SUMF1: variants seen among roughly 807,000 people sequenced by gnomAD.
The protein encoded by SUMF1 is sulfatase modifying factor 1.
SUMF1 carries 48 observed loss-of-function variants against 47.6 expected under a neutral mutation model. That is an observed-to-expected ratio of 1.01 (90% CI 0.80 to 1.28). SUMF1 has a LOEUF of 1.28. SUMF1 is among the 50% of genes most tolerant of loss of function. The probability of loss-of-function intolerance (pLI) is 0.00; values close to 1 mark genes in which losing one functional copy is unlikely to be tolerated. For missense variants in SUMF1, 571 were observed against 485.4 expected (o/e 1.18, Z -1.66); for synonymous variants, 230 against 192.1 (o/e 1.20, Z -1.63).
At position 4,257,730 on chromosome 3, in the gene SUMF1, A is replaced by G. The variant is rs1337430935; in HGVS notation, c.1014+118600T>C. On this transcript the variant is annotated intron_variant and NMD_transcript_variant, in intron 8 of 12. Coordinates refer to the SUMF1 transcript ENST00000448413. ...CAATGCCATCCCCATCAAGCTACCA[A>G]TGACTTTCTTCACAGAATTGGAAAA... Among the ~76,000 whole-genome samples, 4 of 151,842 alleles carry G rather than the reference A, an allele frequency of 2.6e-5. 1 individual carries two copies. Among genetic ancestry groups the G allele is most frequent in the Non-Finnish European group, 5.9e-5 (4 of 67,950 alleles).
At position 4,417,191 on chromosome 3, in the gene SUMF1, G is replaced by A. The variant is rs765605621; in HGVS notation, c.777C>T (p.Asn259=). 1 of 1,614,032 alleles carries A rather than the reference G, an allele frequency of 6.2e-7. No individual in the cohort carries two copies. The highest frequency in any genetic ancestry group is 1.1e-5 in the South Asian group (1 of 91,076). The change falls in exon 6 of 9, where the codon AAC becomes AAT. Residue 259 remains asparagine (N), a synonymous_variant. Coordinates refer to ENST00000272902, the MANE Select transcript of SUMF1 (RefSeq NM_182760.4). The stretch of plus-strand genomic sequence containing the variant: ...TCACCGGAAACTCGCCCTGCCAAAT[G>A]TTGGCATAATGCTGGCCTTTGGGCT... ...KLQPKGQHYA[N]IWQGEFPVTN...
At chr3:4,057,825 G>C (rs317533) in intron 9 of SUMF1, among the ~76,000 whole-genome samples, 140,236 of 152,104 alleles carry the variant, frequency 0.92, 65,644 homozygotes, top group Non-Finnish European at 1. Context: ...TAAACACAGA[G>C]GTTCCAAGAA....
At chr3:4,088,850 G>C (rs921675640) in intron 8 of SUMF1, among the ~76,000 whole-genome samples, 5 of 152,246 alleles carry the variant, frequency 3.3e-5, no homozygotes, top group Middle Eastern at 3.4e-3. Flanking sequence ...TCCAGAGAGA[G>C]AGAAATGGGA....
chr3:4,035,617 T>A (rs317612), intron 9 of SUMF1, among the ~76,000 whole-genome samples: 149,721 of 152,334 alleles, frequency 0.98, 73,629 homozygotes, highest in Middle Eastern at 1. Flanking sequence ...AACTCAACCT[T>A]CTATAGGCTT....
At chr3:4,105,652 A>C (rs866316390) in intron 8 of SUMF1, among the ~76,000 whole-genome samples, 159 of 152,232 alleles carry the variant, frequency 1.0e-3, no homozygotes, top group African/African-American at 3.5e-3. Context: ...CTTCCTGTGA[A>C]TATCTGTCTC....
chr3:4,138,831 T>C (rs545864222), intron 8 of SUMF1, among the ~76,000 whole-genome samples: 1 of 152,188 alleles, frequency 6.6e-6, no homozygotes, highest in African/African-American at 2.4e-5. Flanking sequence ...TCTAGTGAAT[T>C]ACTAAATCTG....
intron 8 of SUMF1, among the ~76,000 whole-genome samples, chr3:4,340,755 A>G (rs538149763): frequency 6.6e-6 from 1 of 152,120 alleles, no homozygotes; most frequent in South Asian, 2.1e-4. Flanking sequence ...AGCAAGAATG[A>G]CTCTGCAGTT....
In SUMF1 at chr3:4,362,213, G is replaced by A. The variant is rs376126385; in HGVS notation, c.1056C>T (p.Asn352=). 2.5e-6 allele frequency: 4 copies of A among 1,614,082 alleles called. No homozygotes were observed. The African/African-American group carries it at 5.3e-5, about 22-fold the overall frequency. ...GATTCGAAGCAGAGCTATCAGGTGT[G>A]TTCTGGCTCCGAGCAGCACAGCGAT... is the stretch of plus-strand genomic sequence containing the variant. ...YRYRCAARSQ[N]TPDSSASNLG... is the part of the protein sequence containing the mutation. The change falls in exon 9 of 9, where the codon AAC becomes AAT. Residue 352 remains asparagine (N), a synonymous_variant. Transcript: ENST00000272902.
chr3:4,049,605 GCAC>G (rs1357433981), intron 9 of SUMF1, among the ~76,000 whole-genome samples: 1 of 152,124 alleles, frequency 6.6e-6, no homozygotes, highest in Non-Finnish European at 1.5e-5. Flanking sequence ...GCCAGAGTAA[GCAC>G]CCCTGGGCTC....
Position 4,312,235 on chromosome 3 carries a change from A to T in SUMF1, c.1014+64095T>A, listed in dbSNP as rs185950849. Among the ~76,000 whole-genome samples, 338 of 152,292 alleles carry T rather than the reference A, an allele frequency of 2.2e-3. 1 individual carries two copies. The highest frequency in any genetic ancestry group is 4.8e-3 in the Admixed American group (73 of 15,292). On this transcript the variant is annotated intron_variant and NMD_transcript_variant, in intron 8 of 12. Coordinates refer to the SUMF1 transcript ENST00000448413. ...ATCTGAGGTAACCCACAATTAAAAT[A>T]CATATATGCATGTATATTATCAGGT...
intron 8 of SUMF1, among the ~76,000 whole-genome samples, chr3:4,133,814 T>C (rs192153639): frequency 1.1e-3 from 168 of 152,218 alleles, no homozygotes; most frequent in Admixed American, 4.9e-3. Context: ...TATATATGTA[T>C]ATCTATTCTA....
At chr3:4,121,197 C>T (rs1488518218) in intron 8 of SUMF1, among the ~76,000 whole-genome samples, 1 of 152,088 alleles carries the variant, frequency 6.6e-6, no homozygotes, top group Non-Finnish European at 1.5e-5. Context: ...TATTAACATT[C>T]TAGATTTCAC....
chr3:4,166,257 C>T (rs996401558), intron 8 of SUMF1, among the ~76,000 whole-genome samples: 3 of 152,068 alleles, frequency 2.0e-5, no homozygotes, highest in East Asian at 1.9e-4. Flanking sequence ...AGATGATATG[C>T]CTCAAAATGG....
At chr3:4,183,731 C>A (rs1695142837) in intron 8 of SUMF1, among the ~76,000 whole-genome samples, 1 of 152,038 alleles carries the variant, frequency 6.6e-6, no homozygotes, top group Non-Finnish European at 1.5e-5. Context: ...TTTAAGCCTG[C>A]CTATATGATT....
At chr3:4,044,109 T>C (rs899264774) in intron 9 of SUMF1, among the ~76,000 whole-genome samples, 6 of 152,130 alleles carry the variant, frequency 3.9e-5, no homozygotes, top group African/African-American at 1.4e-4. Context: ...CCTATAATAA[T>C]AGTTGTGTCT....
At chr3:4,227,297 C>G (rs960875703) in intron 8 of SUMF1, among the ~76,000 whole-genome samples, 1 of 152,144 alleles carries the variant, frequency 6.6e-6, no homozygotes, top group Non-Finnish European at 1.5e-5. Context: ...GGGGATACAG[C>G]CATGAACACT....
intron 8 of SUMF1, among the ~76,000 whole-genome samples, chr3:4,122,386 G>T (rs1200056593): frequency 2.0e-5 from 3 of 152,146 alleles, no homozygotes; most frequent in Non-Finnish European, 4.4e-5. Flanking sequence ...GGTGGCTAGG[G>T]TTCAGGGAGA....
intron 8 of SUMF1, among the ~76,000 whole-genome samples, chr3:4,350,731 T>G (rs149497083): frequency 1.3e-5 from 2 of 152,260 alleles, no homozygotes; most frequent in Non-Finnish European, 2.9e-5. Context: ...CAGAGCTCTC[T>G]TCACCTCTGC....
chr3:4,436,228 A>G (rs1004698184), intron 3 of SUMF1, among the ~76,000 whole-genome samples: 1 of 152,176 alleles, frequency 6.6e-6, no homozygotes, highest in Non-Finnish European at 1.5e-5. Context: ...ATATATGACA[A>G]CTCTAACACA....
Sources: allele counts gnomAD v4.1 joint callset (sites outside exome capture counted in the v4.1 genomes callset), GRCh38; gene constraint gnomAD v4.1.1; transcripts MANE v1.5; gene names NCBI Gene and HGNC (gene_info 2026-07-23, HGNC 2026-07-21).